The following SUFU variants were observed in gnomAD, a reference collection of about 807,000 sequenced individuals.
SUFU encodes the protein suppressor of fused homolog.
Under a neutral mutation model 58.9 loss-of-function variants are expected in SUFU, and 7 were observed. The observed-to-expected ratio is 0.12, with a 90% confidence interval of 0.07 to 0.22. SUFU has a LOEUF of 0.22. Among genes scored for constraint, SUFU ranks in the 10% least tolerant of loss-of-function variants. The probability of loss-of-function intolerance (pLI) is 1.00; values close to 1 mark genes in which losing one functional copy is unlikely to be tolerated. For missense variants in SUFU, 451 were observed against 641.3 expected (o/e 0.70, Z 3.20); for synonymous variants, 232 against 254.8 (o/e 0.91, Z 0.85).
intron 8 of SUFU, among the ~76,000 whole-genome samples, chr10:102,609,762 C>T (rs1489249512): frequency 6.6e-6 from 1 of 152,180 alleles, no homozygotes; most frequent in Non-Finnish European, 1.5e-5. Flanking sequence ...CCAGAATTGG[C>T]AGGCGAGAGT....
At chr10:102,509,896 G>C (rs1244642921) in intron 2 of SUFU, among the ~76,000 whole-genome samples, 1 of 152,052 alleles carries the variant, frequency 6.6e-6, no homozygotes, top group South Asian at 2.1e-4. Flanking sequence ...AGAGTGCAGT[G>C]GTATGATCAT....
intron 7 of SUFU, among the ~76,000 whole-genome samples, chr10:102,597,933 C>T (rs923016920): frequency 1.3e-5 from 2 of 152,200 alleles, no homozygotes; most frequent in Non-Finnish European, 1.5e-5. Flanking sequence ...TAGTAGAGGG[C>T]GTCCCCAGCT....
chr10:102,562,994 A>G (rs966307012), intron 3 of SUFU, among the ~76,000 whole-genome samples: 15 of 152,162 alleles, frequency 9.9e-5, no homozygotes, highest in Non-Finnish European at 1.3e-4. Context: ...ACTGGTTCAT[A>G]TTGCCCCTTT....
intron 2 of SUFU, among the ~76,000 whole-genome samples, chr10:102,514,266 A>T (rs533230726): frequency 6.6e-6 from 1 of 152,220 alleles, no homozygotes; most frequent in East Asian, 1.9e-4. Context: ...GAGGGTAGGG[A>T]CAGGCAGAAG....
chr10:102,618,968 G>C, intron 10 of SUFU: 1 of 884,336 alleles, frequency 1.1e-6, no homozygotes, highest in Non-Finnish European at 1.9e-6. Flanking sequence ...GTGTGTGTGT[G>C]TGTGTGTGTG....
intron 3 of SUFU, among the ~76,000 whole-genome samples, chr10:102,579,059 T>C (rs2063245856): frequency 6.6e-6 from 1 of 152,142 alleles, no homozygotes; most frequent in Non-Finnish European, 1.5e-5. Flanking sequence ...AAAAGAAAAG[T>C]GAAGGCATCT....
intron 3 of SUFU, among the ~76,000 whole-genome samples, chr10:102,582,668 C>G (rs898888351): frequency 6.6e-6 from 1 of 152,068 alleles, no homozygotes; most frequent in African/African-American, 2.4e-5. Context: ...CTGTAACTAG[C>G]ATTTTTGGCG....
At chr10:102,603,122 T>TA (rs2135898285) in intron 8 of SUFU, among the ~76,000 whole-genome samples, 1 of 152,320 alleles carries the variant, frequency 6.6e-6, no homozygotes, top group East Asian at 1.9e-4. Flanking sequence ...GCACAGAAGA[T>TA]ACGTGTGGTC....
In SUFU at chr10:102,508,101, T is replaced by A. The variant is rs560913627; in HGVS notation, c.183-1068T>A. On this transcript the variant is annotated intron_variant, in intron 1 of 11. Transcript: ENST00000369902. ...CTGCCTCAGCCTCTCAAATAGCAAA[T>A]AGCTGGGATTACAGGCACCTGCCAC... Among the ~76,000 whole-genome samples the A allele has an allele frequency of 1.7e-4, 26 of 151,282 alleles. No individual in the cohort carries two copies. The South Asian group carries it at 2.9e-3, about 17-fold the overall frequency.
intron 3 of SUFU, among the ~76,000 whole-genome samples, chr10:102,550,508 A>G (rs947079835): frequency 6.6e-6 from 1 of 151,916 alleles, no homozygotes. Context: ...ACTTTTCCCA[A>G]CCTTTTGCTC....
chr10:102,577,782 G>A (rs2063228426), intron 3 of SUFU, among the ~76,000 whole-genome samples: 1 of 147,858 alleles, frequency 6.8e-6, no homozygotes, highest in Non-Finnish European at 1.5e-5. Flanking sequence ...CCGGATTCAC[G>A]CCATTCTCCT....
At chr10:102,611,588 A>G (rs1247370110) in intron 8 of SUFU, among the ~76,000 whole-genome samples, 1 of 152,246 alleles carries the variant, frequency 6.6e-6, no homozygotes, top group Non-Finnish European at 1.5e-5. Flanking sequence ...TGGTTAAGCC[A>G]TTGACATTTT....
In SUFU at chr10:102,618,257, G is replaced by A. The variant is rs539556611; in HGVS notation, c.1296+829G>A. The A allele has an allele frequency of 1.1e-3, 164 of 152,546 alleles. 1 individual carries two copies. The highest frequency in any genetic ancestry group is 1.7e-3 in the Non-Finnish European group (117 of 68,230). 9.4% of individuals were successfully genotyped at this position (152,546 alleles called of 1,614,324 possible). ...GGAACCTGACCCTAAACCTAAAGGT[G>A]GCCATACCTGGTTTGTGAATGTATT... On this transcript the variant is annotated intron_variant, in intron 10 of 11. Transcript: ENST00000369902.
intron 3 of SUFU, among the ~76,000 whole-genome samples, chr10:102,568,272 A>G (rs927518884): frequency 2.0e-5 from 3 of 152,076 alleles, no homozygotes; most frequent in Admixed American, 6.6e-5. Context: ...AAGACTGCAT[A>G]TCAGATGTTA....
chr10:102,508,243 A>T (rs906680895), intron 1 of SUFU, among the ~76,000 whole-genome samples: 3 of 152,090 alleles, frequency 2.0e-5, no homozygotes, highest in African/African-American at 7.2e-5. Context: ...CAAAGTGCAG[A>T]GATTACAGGT....
chr10:102,523,924 T>G (rs1446283067), intron 2 of SUFU, among the ~76,000 whole-genome samples: 1 of 152,242 alleles, frequency 6.6e-6, no homozygotes, highest in Admixed American at 6.5e-5. Flanking sequence ...CTCTTCCTAT[T>G]CTGCCCCCCT....
intron 3 of SUFU, among the ~76,000 whole-genome samples, chr10:102,554,301 G>C (rs1564678286): frequency 6.6e-6 from 1 of 152,110 alleles, no homozygotes; most frequent in Non-Finnish European, 1.5e-5. Context: ...TACACGGGAG[G>C]CTGAGGCAGG....
intron 2 of SUFU, among the ~76,000 whole-genome samples, chr10:102,528,131 C>T (rs1163649557): frequency 2.6e-5 from 4 of 152,094 alleles, no homozygotes; most frequent in African/African-American, 4.8e-5. Flanking sequence ...TTAGGAGTCC[C>T]CTGGGGGCTG....
chr10:102,628,468 C>T lies in SUFU; in HGVS notation c.1365+1225C>T, dbSNP rs1173282940. Among the ~76,000 whole-genome samples the T allele has an allele frequency of 6.6e-6, 1 of 152,122 alleles. No individual in the cohort carries two copies. The highest frequency in any genetic ancestry group is 1.5e-5 in the Non-Finnish European group (1 of 68,008). ...GTCACTGGTCCCTGAGTCCCAGCTC[C>T]CCATTCAGTCAGACCAGAGCCAGCT... On this transcript the variant is annotated intron_variant, in intron 11 of 11. Coordinates refer to ENST00000369902, the MANE Select transcript of SUFU (RefSeq NM_016169.4). The surrounding 1 kb of genome is among the most constrained non-coding windows in gnomAD (Gnocchi z 4.5).
Sources: allele counts gnomAD v4.1 joint callset (sites outside exome capture counted in the v4.1 genomes callset), GRCh38; gene constraint gnomAD v4.1.1; non-coding constraint Gnocchi (gnomAD v3.1); transcripts MANE v1.5; gene names NCBI Gene and HGNC (gene_info 2026-07-23, HGNC 2026-07-21).